The following LRP2 variants were observed in gnomAD, a reference collection of about 807,000 sequenced individuals.
LRP2 encodes the protein LDL receptor related protein 2.
Under a neutral mutation model 531.0 loss-of-function variants are expected in LRP2, and 172 were observed. The observed-to-expected ratio is 0.32, with a 90% CI of 0.29 to 0.37. The LOEUF is 0.37. Ranked by LOEUF, LRP2 falls within the 10% of genes least tolerant of loss-of-function variation. LRP2 has a pLI of 1.00. For synonymous variants in LRP2, 1,992 were observed against 2,027.6 expected (o/e 0.98, Z 0.47); for missense variants, 5,167 against 5,868.3 (o/e 0.88, Z 3.90).
At position 169,226,626 on chromosome 2, in the gene LRP2, C is replaced by T. The variant is rs146140022; in HGVS notation, c.5228-38G>A. On this transcript the variant is annotated intron_variant, in intron 31 of 78. Transcript: ENST00000649046. ...AAGAATATCAGTCAAAATCATATCCCACTATTCCCAGACATTTAGAGTAAT... is the reference window on the plus strand; with the variant it reads ...AAGAATATCAGTCAAAATCATATCCTACTATTCCCAGACATTTAGAGTAAT... 7.8e-4 allele frequency: 1,163 copies of T among 1,489,098 alleles called. 10 individuals are homozygous for T. In the African/African-American group the frequency reaches 8.7e-3, roughly 11 times the overall value. 92.2% of individuals were successfully genotyped at this position (1,489,098 alleles called of 1,614,324 possible). A position where few individuals can be genotyped will look rare whatever the true frequency, so the allele number is the denominator to read the frequency against.
chr2:169,202,673 T>C, intron 43 of LRP2, 83 bp downstream of exon 43: 1 of 1,396,338 alleles, frequency 7.2e-7, no homozygotes, highest in Non-Finnish European at 1.0e-6. Context: ...TCAAACACAT[T>C]CACACATAGC....
rs1687439309 is a variant in LRP2, at chr2:169,181,698, G to C, written c.9999-80C>G. ...AAAATACACACCTTTTCTCCATTTA[G>C]AGAAATGGAGTCTGCATTCTGTAGA... On this transcript the variant is annotated intron_variant, in intron 51 of 78. Transcript: ENST00000649046. The C allele has an allele frequency of 4.8e-6, 6 of 1,249,104 alleles. No homozygotes were observed. The South Asian group carries it at 7.4e-5, about 15-fold the overall frequency. 77.4% of individuals were successfully genotyped at this position (1,249,104 alleles called of 1,614,324 possible). A position where few individuals can be genotyped will look rare whatever the true frequency, so the allele number is the denominator to read the frequency against.
At position 169,173,680 on chromosome 2, in the gene LRP2, G is replaced by C. The variant is rs144710112; in HGVS notation, c.11014+239C>G. 1.7e-3 allele frequency among the ~76,000 whole-genome samples: 255 copies of C among 152,248 alleles called. 1 individual carries two copies. The highest frequency in any genetic ancestry group is 6.0e-3 in the African/African-American group (251 of 41,528). ...TATAAGTTCTTGGTATCATATTCTG[G>C]TTGGTTAGACATTCTATGTATCAAA... On this transcript the variant is annotated intron_variant, in intron 56 of 78. Coordinates refer to ENST00000649046, the MANE Select transcript of LRP2 (RefSeq NM_004525.3).
intron 16 of LRP2, among the ~76,000 whole-genome samples, chr2:169,264,906 C>A (rs922937697): frequency 6.6e-6 from 1 of 151,960 alleles, no homozygotes; most frequent in East Asian, 1.9e-4. Context: ...GCTATGGGTT[C>A]AAGGCACAGT....
chr2:169,128,250 A>G lies in LRP2; in HGVS notation c.*413T>C, dbSNP rs1306887747. 1 of 178,370 alleles carries G rather than the reference A, an allele frequency of 5.6e-6. No individual in the cohort carries two copies. The highest frequency in any genetic ancestry group is 1.2e-5 in the Non-Finnish European group (1 of 83,946). The allele number at this position is 178,370 out of a possible 1,614,324, so 11.0% of individuals were successfully genotyped here. On this transcript the variant is annotated 3_prime_UTR_variant, in exon 79 of 79. Transcript: ENST00000649046. Reference sequence around the variant, plus strand: ...CTGGATTCCTTTCCTAGATAATTTTATAGGAAATATGAGTGGTGCCTCTTC... The same window carrying G: ...CTGGATTCCTTTCCTAGATAATTTTGTAGGAAATATGAGTGGTGCCTCTTC...
At chr2:169,266,199 G>C (rs1283924500) in intron 16 of LRP2, among the ~76,000 whole-genome samples, 1 of 151,950 alleles carries the variant, frequency 6.6e-6, no homozygotes, top group Non-Finnish European at 1.5e-5. Flanking sequence ...GAAGTCAGAA[G>C]CTGGGAGAGA....
chr2:169,332,399 G>GA (rs11407129), intron 1 of LRP2, among the ~76,000 whole-genome samples: 36,083 of 151,918 alleles, frequency 0.24, 4,632 homozygotes, highest in African/African-American at 0.33. Context: ...AAAATAGGGA[G>GA]AAAAAGAAAA....
intron 42 of LRP2, 96 bp from the exon 43 acceptor site, chr2:169,203,055 A>T: frequency 1.0e-6 from 1 of 957,288 alleles, no homozygotes; most frequent in Non-Finnish European, 1.7e-6. Context: ...TTCTACATTA[A>T]ATGCTCCCTA....
chr2:169,322,200 T>C (rs1041905590), intron 1 of LRP2, among the ~76,000 whole-genome samples: 4 of 152,146 alleles, frequency 2.6e-5, no homozygotes, highest in African/African-American at 7.2e-5. Flanking sequence ...CTAAAATAAA[T>C]AAGCAATGTG....
At chr2:169,235,205 C>T (rs756444917) in intron 29 of LRP2, among the ~76,000 whole-genome samples, 8 of 150,142 alleles carry the variant, frequency 5.3e-5, no homozygotes, top group African/African-American at 2.0e-4. Context: ...AGACAATGTG[C>T]CTGGCCAAGT....
chr2:169,220,660 CA>C lies in LRP2; in HGVS notation c.5539-98del, dbSNP rs36016897. The C allele has an allele frequency of 0.19, 144,173 of 763,862 alleles. 16,838 individuals carry two copies. The highest frequency in any genetic ancestry group is 0.36 in the Admixed American group (17,893 of 49,758). The allele number at this position is 763,862 out of a possible 1,614,324, so 47.3% of individuals were successfully genotyped here. A position where few individuals can be genotyped will look rare whatever the true frequency, so the allele number is the denominator to read the frequency against. On this transcript the variant is annotated intron_variant, in intron 33 of 78. Transcript: ENST00000649046. ...CTTATGTACAAAACAAATTCCAAAG[CA>C]CGATTAGGGATGGATGAGAGAGGAT...
At chr2:169,312,110 T>C (rs964505579) in intron 3 of LRP2, among the ~76,000 whole-genome samples, 3 of 152,116 alleles carry the variant, frequency 2.0e-5, no homozygotes, top group East Asian at 1.9e-4. Context: ...GCACGTGAGA[T>C]GGGTTTCCTG....
intron 21 of LRP2, 72 bp downstream of exon 21, chr2:169,246,633 T>C: frequency 6.5e-7 from 1 of 1,543,992 alleles, no homozygotes; most frequent in Non-Finnish European, 9.0e-7. Context: ...GCCCAAGCTT[T>C]TATTTATTTT....
At position 169,239,787 on chromosome 2, in the gene LRP2, A is replaced by G; in HGVS notation, c.4046-12T>C. The G allele has an allele frequency of 6.2e-7, 1 of 1,610,404 alleles. No homozygotes were observed. Among genetic ancestry groups the G allele is most frequent in the Non-Finnish European group, 8.5e-7 (1 of 1,176,668 alleles). On this transcript the variant is annotated splice_polypyrimidine_tract_variant and intron_variant, in intron 25 of 78. Transcript: ENST00000649046. ...GCAGCTGTTCCCATCTAGAAAAAAG[A>G]AAGAGAATAATGAAAAAAGAAAATC...
chr2:169,245,084 A>G (rs1689955440), intron 21 of LRP2, 152 bp from the exon 22 acceptor site: 1 of 858,820 alleles, frequency 1.2e-6, no homozygotes, highest in Admixed American at 2.1e-5. Context: ...CATCACTAAC[A>G]TCATTATTGG....
chr2:169,263,642 T>C (rs1177285134), intron 16 of LRP2, among the ~76,000 whole-genome samples: 1 of 150,598 alleles, frequency 6.6e-6, no homozygotes, highest in African/African-American at 2.4e-5. Flanking sequence ...TTTTACACTG[T>C]TGGTGGGACT....
intron 16 of LRP2, among the ~76,000 whole-genome samples, chr2:169,261,513 T>C (rs1236291699): frequency 7.1e-6 from 1 of 141,654 alleles, no homozygotes; most frequent in African/African-American, 2.6e-5. Flanking sequence ...ATATACTGTG[T>C]ACTCATTCAA....
At position 169,181,558 on chromosome 2, in the gene LRP2, T is replaced by C; in HGVS notation, c.10059A>G (p.Gly3353=). 1.2e-6 allele frequency: 2 copies of C among 1,614,220 alleles called. No individual in the cohort carries two copies. Among genetic ancestry groups the C allele is most frequent in the Non-Finnish European group, 1.7e-6 (2 of 1,180,036 alleles). The change falls in exon 52 of 79, where the codon GGA becomes GGG. Residue 3353 remains glycine (G), a synonymous_variant. Coordinates refer to ENST00000649046, the MANE Select transcript of LRP2 (RefSeq NM_004525.3). ...RAYIGRVGMD[G]TNKSVIISTK... Reference sequence around the variant, plus strand: ...TGGAGATTATCACAGACTTGTTGGTTCCATCCATGCCTACTCTCCCAATGT... The same window carrying C: ...TGGAGATTATCACAGACTTGTTGGTCCCATCCATGCCTACTCTCCCAATGT...
chr2:169,274,282 C>T (rs1683495386), intron 14 of LRP2, among the ~76,000 whole-genome samples: 1 of 152,014 alleles, frequency 6.6e-6, no homozygotes, highest in East Asian at 1.9e-4. Flanking sequence ...AACCTGGAAA[C>T]ATAAACAAAG....
Sources: allele counts gnomAD v4.1 joint callset (sites outside exome capture counted in the v4.1 genomes callset), GRCh38; gene constraint gnomAD v4.1.1; transcripts MANE v1.5; gene names NCBI Gene and HGNC (gene_info 2026-07-23, HGNC 2026-07-21).